The following GRID2 variants were observed in gnomAD, a reference collection of about 807,000 sequenced individuals.
GRID2 encodes the protein glutamate receptor ionotropic, delta-2.
A neutral mutation model predicts 114.8 loss-of-function variants in GRID2; 33 were observed. That is an observed-to-expected ratio of 0.29 (90% CI 0.22 to 0.38). The LOEUF (loss-of-function observed/expected upper bound fraction) is 0.38. GRID2 is among the 10% of genes least tolerant of loss of function. The probability of loss-of-function intolerance (pLI) is 1.00; values close to 1 mark genes in which losing one functional copy is unlikely to be tolerated. For synonymous variants in GRID2, 505 were observed against 449.9 expected (o/e 1.12, Z -1.55); for missense variants, 1,184 against 1,257.7 (o/e 0.94, Z 0.89).
chr4:93,549,089 TA>T lies in GRID2; in HGVS notation c.2193+33681del, dbSNP rs533766566. ...AAAGATCAACTAAAAATCTATAGCTTAAACAATGCAGCATTTTAAAAAAATT... is the reference window on the plus strand; with the variant it reads ...AAAGATCAACTAAAAATCTATAGCTTAACAATGCAGCATTTTAAAAAAATT... On this transcript the variant is annotated intron_variant, in intron 13 of 15. Transcript: ENST00000282020. Among the ~76,000 whole-genome samples, 334 of 151,034 alleles carry T rather than the reference TA, an allele frequency of 2.2e-3. 3 individuals are homozygous for T. The highest frequency in any genetic ancestry group is 7.8e-3 in the African/African-American group (315 of 40,410).
chr4:92,903,604 G>C (rs938226042), intron 2 of GRID2, among the ~76,000 whole-genome samples: 1 of 151,844 alleles, frequency 6.6e-6, no homozygotes. Flanking sequence ...TTAGATCCGT[G>C]GTGAACCCCA....
chr4:93,713,089 G>T (rs1199419969), intron 14 of GRID2, among the ~76,000 whole-genome samples: 1 of 152,046 alleles, frequency 6.6e-6, no homozygotes, highest in East Asian at 1.9e-4. Flanking sequence ...CTTGAAATGA[G>T]TTCAACTTAT....
chr4:92,734,583 C>G (rs1736496080), intron 2 of GRID2, among the ~76,000 whole-genome samples: 1 of 151,928 alleles, frequency 6.6e-6, no homozygotes, highest in Admixed American at 6.6e-5. Flanking sequence ...CTCGCCCAGC[C>G]TTACTTTTTT....
intron 2 of GRID2, among the ~76,000 whole-genome samples, chr4:92,646,026 T>G (rs547501773): frequency 6.6e-6 from 1 of 151,902 alleles, no homozygotes; most frequent in South Asian, 2.1e-4. Flanking sequence ...AAAAGAATTT[T>G]CCATCTTGAT....
chr4:93,056,482 T>A (rs1727257482), intron 2 of GRID2, among the ~76,000 whole-genome samples: 1 of 151,810 alleles, frequency 6.6e-6, no homozygotes, highest in Non-Finnish European at 1.5e-5. Flanking sequence ...AAAAAATAAA[T>A]GAAAGAGTAG....
At chr4:92,885,706 C>T (rs1359234495) in intron 2 of GRID2, among the ~76,000 whole-genome samples, 1 of 151,870 alleles carries the variant, frequency 6.6e-6, no homozygotes, top group Non-Finnish European at 1.5e-5. Flanking sequence ...TCAGTTAAAA[C>T]TTCTGATCAG....
intron 1 of GRID2, among the ~76,000 whole-genome samples, chr4:92,485,301 CATATATATATATAT>C (rs34583484): frequency 0.014 from 768 of 56,556 alleles, 21 homozygotes; most frequent in East Asian, 0.029. Flanking sequence ...AAGGTGTGTG[CATATATATATATAT>C]ATATATATAT....
chr4:92,663,131 T>C (rs1175138705), intron 2 of GRID2, among the ~76,000 whole-genome samples: 1 of 151,062 alleles, frequency 6.6e-6, no homozygotes, highest in Non-Finnish European at 1.5e-5. Context: ...CTGCTCAGCC[T>C]TGATACAAGT....
rs532893160 is a variant in GRID2 at position 92,856,880 on chromosome 4, C to A, written c.245-228115C>A. ...AAATTGGAATCTTGTGGCAACCCTG[C>A]AGTGAGCAAGTCTGTCAGTACGTTT... On this transcript the variant is annotated intron_variant, in intron 2 of 15. Transcript: ENST00000282020. 4.3e-4 allele frequency among the ~76,000 whole-genome samples: 65 copies of A among 152,228 alleles called. No individual in the cohort carries two copies. The Middle Eastern group carries it at 0.01, about 24-fold the overall frequency.
At chr4:93,216,671 T>C (rs1744248528) in intron 5 of GRID2, 67 bp from the exon 6 acceptor site, 1 of 1,009,854 alleles carries the variant, frequency 9.9e-7, no homozygotes, top group African/African-American at 1.6e-5. Context: ...AGATAACAAC[T>C]CATAATAGGT....
At position 92,915,669 on chromosome 4, in the gene GRID2, T is replaced by C. The variant is rs189044914; in HGVS notation, c.245-169326T>C. Among the ~76,000 whole-genome samples the C allele has an allele frequency of 2.0e-5, 3 of 152,250 alleles. No individual in the cohort carries two copies. In the East Asian group the frequency reaches 5.8e-4, roughly 29 times the overall value. ...CTCTTTTCCATAACAGTGGAACTAATTTACACTCCCACCTACAATGTATAA... is the reference window on the plus strand; with the variant it reads ...CTCTTTTCCATAACAGTGGAACTAACTTACACTCCCACCTACAATGTATAA... On this transcript the variant is annotated intron_variant, in intron 2 of 15. Coordinates refer to ENST00000282020, the MANE Select transcript of GRID2 (RefSeq NM_001510.4).
At chr4:93,015,259 A>T (rs541100212) in intron 2 of GRID2, among the ~76,000 whole-genome samples, 38 of 152,224 alleles carry the variant, frequency 2.5e-4, no homozygotes, top group Non-Finnish European at 4.1e-4. Context: ...GACTAGATAG[A>T]TCTAAAGAAG....
chr4:92,607,611 C>T (rs1481613784), intron 2 of GRID2, among the ~76,000 whole-genome samples: 1 of 151,836 alleles, frequency 6.6e-6, no homozygotes, highest in African/African-American at 2.4e-5. Context: ...CATCTCATAT[C>T]TTTTTGTTTC....
intron 2 of GRID2, among the ~76,000 whole-genome samples, chr4:92,718,527 GC>G (rs1447166655): frequency 1.3e-5 from 2 of 151,988 alleles, no homozygotes; most frequent in East Asian, 3.9e-4. Context: ...AATTTGGGAG[GC>G]TGAGGCAGGA....
chr4:93,755,351 A>G (rs1249435166), intron 14 of GRID2, among the ~76,000 whole-genome samples: 1 of 152,180 alleles, frequency 6.6e-6, no homozygotes, highest in African/African-American at 2.4e-5. Context: ...GGGAAAACTA[A>G]ATTGTGAAGT....
rs140968052 is a variant in GRID2, at chr4:93,013,334, T to C, written c.245-71661T>C. ...TCTGTATTTATTGAGGATAACTTTATGTTTATTGACACCATATGTTAATAC... is the reference window on the plus strand; with the variant it reads ...TCTGTATTTATTGAGGATAACTTTACGTTTATTGACACCATATGTTAATAC... On this transcript the variant is annotated intron_variant, in intron 2 of 15. Transcript: ENST00000282020. Among the ~76,000 whole-genome samples, 512 of 152,136 alleles carry C rather than the reference T, an allele frequency of 3.4e-3. 5 individuals carry two copies. Among genetic ancestry groups the C allele is most frequent in the African/African-American group, 0.011 (446 of 41,524 alleles).
intron 2 of GRID2, among the ~76,000 whole-genome samples, chr4:93,015,392 C>A (rs1319870898): frequency 6.6e-6 from 1 of 152,136 alleles, no homozygotes; most frequent in Non-Finnish European, 1.5e-5. Context: ...TGTGTGGGCA[C>A]AAGTCTTGGT....
chr4:93,152,326 A>C (rs528445283), intron 4 of GRID2, among the ~76,000 whole-genome samples: 1 of 152,166 alleles, frequency 6.6e-6, no homozygotes, highest in Non-Finnish European at 1.5e-5. Context: ...AGCAAGGCAA[A>C]AAGAATAAAA....
intron 10 of GRID2, among the ~76,000 whole-genome samples, chr4:93,423,907 T>G (rs941170752): frequency 2.6e-5 from 4 of 152,086 alleles, no homozygotes; most frequent in Admixed American, 2.0e-4. Context: ...TCTTTTCCTG[T>G]TTTTCTTGGG....
Sources: gnomAD v4.1 joint callset for allele counts (sites outside exome capture counted in the v4.1 genomes callset) on GRCh38, gnomAD v4.1.1 for gene constraint, MANE v1.5 for transcripts, NCBI Gene and HGNC (gene_info 2026-07-23, HGNC 2026-07-21) for gene names.